CDH13: variants seen among roughly 807,000 people sequenced by gnomAD.
The protein encoded by CDH13 is cadherin-13.
CDH13 carries 24 observed loss-of-function variants against 63.8 expected under a neutral mutation model. The ratio of observed to expected loss-of-function variants is 0.38; its 90% CI spans 0.27 to 0.53. The LOEUF (loss-of-function observed/expected upper bound fraction) is 0.53. CDH13 is among the 20% of genes least tolerant of loss of function. CDH13 has a pLI of 0.85. For synonymous variants in CDH13, 503 were observed against 355.3 expected (o/e 1.42, Z -4.67); for missense variants, 1,049 against 903.1 (o/e 1.16, Z -2.07).
rs548936482 is a variant in CDH13 at position 82,845,520 on chromosome 16, G to A, written c.46-12842G>A. Among the ~76,000 whole-genome samples the A allele has an allele frequency of 5.3e-5, 8 of 152,200 alleles. No individual in the cohort carries two copies. The South Asian group carries it at 6.2e-4, about 12-fold the overall frequency. ...AGCCACCAGCATCATCCTCTATTGG[G>A]CTGACCCCTCAGATGACAGACCTAT... On this transcript the variant is annotated intron_variant, in intron 1 of 13. Transcript: ENST00000567109.
At chr16:82,768,411 C>T (rs1321367271) in intron 1 of CDH13, among the ~76,000 whole-genome samples, 1 of 152,130 alleles carries the variant, frequency 6.6e-6, no homozygotes, top group African/African-American at 2.4e-5. Flanking sequence ...ACAGCCTTTG[C>T]AGAATTTGTG....
chr16:83,060,998 C>T (rs2031495554), intron 3 of CDH13, among the ~76,000 whole-genome samples: 1 of 152,204 alleles, frequency 6.6e-6, no homozygotes, highest in African/African-American at 2.4e-5. Flanking sequence ...CTGCAGAGGG[C>T]CTGGCACATA....
intron 3 of CDH13, among the ~76,000 whole-genome samples, chr16:83,097,411 A>C (rs1225594681): frequency 6.6e-6 from 1 of 152,340 alleles, no homozygotes; most frequent in East Asian, 1.9e-4. Flanking sequence ...TTTTATTTTT[A>C]AATAAAACTT....
intron 6 of CDH13, among the ~76,000 whole-genome samples, chr16:83,348,903 C>G (rs2090894629): frequency 6.6e-6 from 1 of 152,106 alleles, no homozygotes; most frequent in South Asian, 2.1e-4. Context: ...GGAAGAGTAC[C>G]CTTTAGCAAA....
chr16:83,191,543 A>ATG (rs1404616349), intron 4 of CDH13, among the ~76,000 whole-genome samples: 1 of 142,844 alleles, frequency 7.0e-6, no homozygotes, highest in Non-Finnish European at 1.5e-5. Context: ...ATATATATAT[A>ATG]TATATATATA....
At chr16:83,005,855 A>T (rs1366286224) in intron 2 of CDH13, among the ~76,000 whole-genome samples, 1 of 152,236 alleles carries the variant, frequency 6.6e-6, no homozygotes, top group Non-Finnish European at 1.5e-5. Context: ...GAAATTATGT[A>T]AGCTTGTACA....
intron 1 of CDH13, among the ~76,000 whole-genome samples, chr16:82,831,902 C>G (rs2038557621): frequency 6.6e-6 from 1 of 152,282 alleles, no homozygotes; most frequent in East Asian, 1.9e-4. Flanking sequence ...CACAGGTTCC[C>G]TCTGTTAATG....
chr16:83,540,865 A>G (rs186436390), intron 7 of CDH13, among the ~76,000 whole-genome samples: 1 of 152,138 alleles, frequency 6.6e-6, no homozygotes, highest in African/African-American at 2.4e-5. Context: ...CCCAACCTCA[A>G]ATGATCCGCC....
At chr16:83,446,446 G>C (rs1411302482) in intron 6 of CDH13, among the ~76,000 whole-genome samples, 2 of 152,176 alleles carry the variant, frequency 1.3e-5, no homozygotes, top group Non-Finnish European at 1.5e-5. Context: ...CCACCACTCA[G>C]TGTTAGAGTT....
chr16:83,478,564 C>A (rs1397079943), intron 6 of CDH13, among the ~76,000 whole-genome samples: 1 of 152,198 alleles, frequency 6.6e-6, no homozygotes, highest in Non-Finnish European at 1.5e-5. Context: ...TGGTGAATAA[C>A]AACCCCTGGA....
chr16:83,403,115 G>A (rs771950692), intron 6 of CDH13, among the ~76,000 whole-genome samples: 4 of 152,138 alleles, frequency 2.6e-5, no homozygotes, highest in Non-Finnish European at 4.4e-5. Context: ...CATGGCGCAG[G>A]TTAGCCCCAT....
chr16:82,848,428 G>A (rs2039352877), intron 1 of CDH13, among the ~76,000 whole-genome samples: 1 of 152,146 alleles, frequency 6.6e-6, no homozygotes, highest in South Asian at 2.1e-4. Context: ...GTTTATGGGT[G>A]CTGTTTTTCC....
Position 83,014,858 on chromosome 16 carries a change from A to G in CDH13, c.158-17152A>G, listed in dbSNP as rs1024203199. 3.3e-4 allele frequency among the ~76,000 whole-genome samples: 32 copies of G among 96,892 alleles called. 1 individual carries two copies. Among genetic ancestry groups the G allele is most frequent in the South Asian group, 1.3e-3 (3 of 2,360 alleles). The allele number at this position is 96,892 out of a possible 152,430, so 63.6% of individuals were successfully genotyped here. A position where few individuals can be genotyped will look rare whatever the true frequency, so the allele number is the denominator to read the frequency against. On this transcript the variant is annotated intron_variant, in intron 2 of 13. Coordinates refer to ENST00000567109, the MANE Select transcript of CDH13 (RefSeq NM_001257.5). ...TATATATTTGTATATATATATTTGT[A>G]TATATATATGTATATATATATGTTT...
intron 6 of CDH13, among the ~76,000 whole-genome samples, chr16:83,471,733 A>G (rs761558642): frequency 6.6e-6 from 1 of 152,100 alleles, no homozygotes; most frequent in African/African-American, 2.4e-5. Flanking sequence ...AACCACTACT[A>G]CACCATATGC....
rs1489906716 is a variant in CDH13, at chr16:83,482,129, G to T, written c.782-4348G>T. Among the ~76,000 whole-genome samples the T allele has an allele frequency of 2.0e-5, 3 of 152,328 alleles. No homozygotes were observed. The South Asian group carries it at 6.2e-4, about 32-fold the overall frequency. The stretch of plus-strand genomic sequence containing the variant: ...GGAAAATCTCCAGGCACGTTGCTCA[G>T]TTGTTCATTCTTCTTGGAAGACAAG... On this transcript the variant is annotated intron_variant, in intron 6 of 13. Transcript: ENST00000567109.
In CDH13 at chr16:83,512,321, A is replaced by AAAATAAATAAAT. The variant is rs200161148; in HGVS notation, c.960+25706_960+25717dup. ...GGCGGACAGAGTGAAACTCCGTCTCAAAATAAATAAATAAATAAATAAATA... is the reference window on the plus strand; with the variant it reads ...GGCGGACAGAGTGAAACTCCGTCTCAAAATAAATAAATAAATAAATAAATAAATAAATAAATA... On this transcript the variant is annotated intron_variant, in intron 7 of 13. Transcript: ENST00000567109. Among the ~76,000 whole-genome samples the AAAATAAATAAAT allele has an allele frequency of 4.9e-3, 623 of 126,876 alleles. 6 individuals are homozygous for AAAATAAATAAAT. The highest frequency in any genetic ancestry group is 0.016 in the Middle Eastern group (4 of 258). The allele number at this position is 126,876 out of a possible 152,430, so 83.2% of individuals were successfully genotyped here.
intron 4 of CDH13, among the ~76,000 whole-genome samples, chr16:83,165,649 T>C (rs1480068370): frequency 2.6e-5 from 4 of 151,972 alleles, no homozygotes; most frequent in Non-Finnish European, 5.9e-5. Flanking sequence ...GGAGGAAGGA[T>C]AAGAAGCAAA....
At chr16:82,947,046 G>GTGTGTGTGTGTGTGTA (rs376101509) in intron 2 of CDH13, among the ~76,000 whole-genome samples, 1 of 149,666 alleles carries the variant, frequency 6.7e-6, no homozygotes, top group African/African-American at 2.5e-5. Context: ...GTGTGTGTGT[G>GTGTGTGTGTGTGTGTA]TGATGTTGTA....
chr16:83,551,029 C>G (rs1003490917), intron 7 of CDH13, among the ~76,000 whole-genome samples: 1 of 149,890 alleles, frequency 6.7e-6, no homozygotes, highest in Non-Finnish European at 1.5e-5. Flanking sequence ...ACCCCCATCT[C>G]TGTTCCATGG....
Sources: allele counts gnomAD v4.1 joint callset (sites outside exome capture counted in the v4.1 genomes callset), GRCh38; gene constraint gnomAD v4.1.1; transcripts MANE v1.5; gene names NCBI Gene and HGNC (gene_info 2026-07-23, HGNC 2026-07-21).